The following ANXA6 variants were observed in gnomAD, a reference collection of about 807,000 sequenced individuals.
ANXA6 encodes annexin A6.
In ANXA6, 71 loss-of-function variants were observed where a neutral mutation model predicts 95.4. That is an observed-to-expected ratio of 0.74 (90% CI 0.61 to 0.91). The LOEUF is 0.91. Among genes scored for constraint, ANXA6 ranks in the 40% least tolerant of loss-of-function variants. The pLI, the probability that ANXA6 is intolerant of heterozygous loss-of-function variation, is 0.00. For synonymous variants in ANXA6, 289 were observed against 315.9 expected, an observed-to-expected ratio of 0.91 and a Z score of 0.90; for missense variants, 830 against 876.4, an observed-to-expected ratio of 0.95 and a Z score of 0.67.
In ANXA6 at chr5:151,147,876, C is replaced by T. The variant is rs970287754; in HGVS notation, c.18+8G>A. ...GAGTACCACCTTCAGGAAAGAGAGG[C>T]CCCTTACCTGTGCTGGTTTGGCCAT... On this transcript the variant is annotated splice_region_variant and intron_variant, in intron 2 of 25. Transcript: ENST00000354546. 7.5e-6 allele frequency: 12 copies of T among 1,599,666 alleles called. No individual in the cohort carries two copies. Among genetic ancestry groups the T allele is most frequent in the Middle Eastern group, 1.6e-4 (1 of 6,062 alleles).
intron 12 of ANXA6, 123 bp from the exon 13 acceptor site, chr5:151,128,362 C>G: frequency 2.5e-6 from 2 of 813,992 alleles, no homozygotes; most frequent in Admixed American, 4.2e-5. Context: ...CATAGCAGCC[C>G]TGGCCCTCCT....
rs1422240048 is a variant in ANXA6, at chr5:151,120,105, C to A, written c.1348-715G>T. On this transcript the variant is annotated intron_variant, in intron 17 of 25. Coordinates refer to ENST00000354546, the MANE Select transcript of ANXA6 (RefSeq NM_001155.5). ...ATATTGTCCAGGCTGGTCTGGAACT[C>A]CTGGACTCAAGCCCAAAGTTTTAGG... 5.3e-5 allele frequency among the ~76,000 whole-genome samples: 8 copies of A among 152,160 alleles called. No individual in the cohort carries two copies. In the East Asian group the frequency reaches 1.3e-3, roughly 26 times the overall value.
In ANXA6 at chr5:151,140,401, A is replaced by T. The variant is rs145365668; in HGVS notation, c.19-158T>A. The T allele has an allele frequency of 3.1e-4, 204 of 650,904 alleles. No homozygotes were observed. The African/African-American group carries it at 3.4e-3, about 11-fold the overall frequency. 40.3% of individuals were successfully genotyped at this position (650,904 alleles called of 1,614,324 possible). A position where few individuals can be genotyped will look rare whatever the true frequency, so the allele number is the denominator to read the frequency against. On this transcript the variant is annotated intron_variant, in intron 2 of 25. Transcript: ENST00000354546. Reference sequence around the variant, plus strand: ...TACACCCTGGGGAGCGGTGTGGATGACTTTCCCATACCACCTGCTGCAACC... The same window carrying T: ...TACACCCTGGGGAGCGGTGTGGATGTCTTTCCCATACCACCTGCTGCAACC...
chr5:151,131,029 G>A (rs1302188909), intron 11 of ANXA6, among the ~76,000 whole-genome samples: 6 of 152,198 alleles, frequency 3.9e-5, no homozygotes, highest in East Asian at 1.9e-4. Context: ...GACTCATGAC[G>A]TCAGGCAGGT....
At chr5:151,131,393 C>T (rs1024934986) in intron 10 of ANXA6, 104 bp from the exon 11 acceptor site, 1 of 1,203,008 alleles carries the variant, frequency 8.3e-7, no homozygotes, top group Non-Finnish European at 1.2e-6. Context: ...CCACCTAGCT[C>T]AATACAGGAA....
At chr5:151,113,428 A>C (rs113039670) in intron 20 of ANXA6, among the ~76,000 whole-genome samples, 2 of 152,306 alleles carry the variant, frequency 1.3e-5, no homozygotes, top group African/African-American at 4.8e-5. Context: ...TAAAATGATT[A>C]ATATGGTAAA....
At chr5:151,140,577 A>AATATATATATATATATATATATAT (rs61352316) in intron 2 of ANXA6, 6 of 143,842 alleles carry the variant, frequency 4.2e-5, no homozygotes, top group Non-Finnish European at 7.3e-5. Context: ...GCAAGAGTCA[A>AATATATATATATATATATATATAT]ATATATATAT....
At chr5:151,141,831 C>CGCCTT in intron 2 of ANXA6, 1 of 602,612 alleles carries the variant, frequency 1.7e-6, no homozygotes. Flanking sequence ...CAGAGCAGGG[C>CGCCTT]GCCTTGCAAG....
rs914521755 is a variant in ANXA6 at position 151,151,915 on chromosome 5, G to A, written c.-25-3989C>T. Among the ~76,000 whole-genome samples, 5 of 152,178 alleles carry A rather than the reference G, an allele frequency of 3.3e-5. No homozygotes were observed. In the East Asian group the frequency reaches 5.8e-4, roughly 18 times the overall value. On this transcript the variant is annotated intron_variant, in intron 1 of 25. Transcript: ENST00000354546. ...GACGACTTATCATGACTGATCATTC[G>A]TGAAACCCACACAGGAGCAGAATGA...
In ANXA6 at chr5:151,122,183, G is replaced by A. The variant is rs1278995221; in HGVS notation, c.1311C>T (p.Ala437=). The A allele has an allele frequency of 6.2e-7, 1 of 1,602,280 alleles. No individual in the cohort carries two copies. The highest frequency in any genetic ancestry group is 8.5e-7 in the Non-Finnish European group (1 of 1,175,840). Residue 437 remains alanine, a synonymous_variant, in exon 17 of 26, where the codon GCC becomes GCT. Coordinates refer to ENST00000354546, the MANE Select transcript of ANXA6 (RefSeq NM_001155.5). Reference sequence around the variant, plus strand: ...TCTTCAACTGCTTGGCATCGTAATGGGCCGGTGGCATCATGAGCCCCAGAA... The same window carrying A: ...TCTTCAACTGCTTGGCATCGTAATGAGCCGGTGGCATCATGAGCCCCAGAA... ...RLILGLMMPP[A]HYDAKQLKKA...
intron 12 of ANXA6, 126 bp downstream of exon 12, chr5:151,129,281 G>T: frequency 8.3e-7 from 1 of 1,202,534 alleles, no homozygotes; most frequent in Non-Finnish European, 1.2e-6. Context: ...CAAGGCAGGA[G>T]CTCCTGGAAT....
At chr5:151,103,868 G>A (rs1212466158) in intron 24 of ANXA6, among the ~76,000 whole-genome samples, 176 bp from the exon 25 acceptor site, 1 of 152,202 alleles carries the variant, frequency 6.6e-6, no homozygotes, top group Non-Finnish European at 1.5e-5. Flanking sequence ...GCCCAGGACT[G>A]GCCAGACTGA....
At chr5:151,113,576 C>T (rs927233430) in intron 20 of ANXA6, among the ~76,000 whole-genome samples, 4 of 152,034 alleles carry the variant, frequency 2.6e-5, no homozygotes, top group African/African-American at 9.7e-5. Flanking sequence ...CTCACTTACG[C>T]GGGTCAGAGT....
At chr5:151,127,857 C>T (rs1238807731) in intron 13 of ANXA6, among the ~76,000 whole-genome samples, 2 of 152,154 alleles carry the variant, frequency 1.3e-5, no homozygotes, top group African/African-American at 2.4e-5. Flanking sequence ...GGTGATGAAA[C>T]CGAGAAATGG....
At chr5:151,103,409 C>T (rs566149253) in intron 25 of ANXA6, among the ~76,000 whole-genome samples, 161 bp downstream of exon 25, 6 of 152,234 alleles carry the variant, frequency 3.9e-5, no homozygotes, top group South Asian at 2.1e-4. Context: ...GAATTGATTT[C>T]GGTATAAACA....
At chr5:151,124,688 T>C (rs1448767194) in intron 14 of ANXA6, among the ~76,000 whole-genome samples, 1 of 152,230 alleles carries the variant, frequency 6.6e-6, no homozygotes, top group Non-Finnish European at 1.5e-5. Context: ...TAGTGCCCCT[T>C]GGCTGCTTAT....
At chr5:151,117,473 A>C (rs1016998009) in intron 19 of ANXA6, among the ~76,000 whole-genome samples, 2 of 152,194 alleles carry the variant, frequency 1.3e-5, no homozygotes, top group African/African-American at 4.8e-5. Context: ...CCAGGTAACA[A>C]CACAGGAGAG....
rs1279447207 is a variant in ANXA6 at position 151,152,170 on chromosome 5, GT to G, written c.-25-4245del. Among the ~76,000 whole-genome samples the G allele has an allele frequency of 1.5e-4, 23 of 152,338 alleles. 1 individual carries two copies. The highest frequency in any genetic ancestry group is 5.3e-4 in the African/African-American group (22 of 41,572). ...GCCCAGCAGTTTGTGATGTAAGTAA[GT>G]TACTTAAACTGAATCTCAATTTCCA... On this transcript the variant is annotated intron_variant, in intron 1 of 25. Coordinates refer to ENST00000354546, the MANE Select transcript of ANXA6 (RefSeq NM_001155.5).
chr5:151,135,666 A>G lies in ANXA6; in HGVS notation c.489+590T>C, dbSNP rs79295233. On this transcript the variant is annotated intron_variant, in intron 7 of 25. Transcript: ENST00000354546. ...ACGCATATGCTCTCCAGCCCACTGC[A>G]GTCGTGCAGAATGCAGGTCTGCTGC... 0.015 allele frequency among the ~76,000 whole-genome samples: 2,345 copies of G among 152,362 alleles called. 99 individuals carry two copies. In the East Asian group the frequency reaches 0.18, roughly 12 times the overall value.
Sources: gnomAD v4.1 joint callset for allele counts (sites outside exome capture counted in the v4.1 genomes callset) on GRCh38, gnomAD v4.1.1 for gene constraint, MANE v1.5 for transcripts, NCBI Gene and HGNC (gene_info 2026-07-23, HGNC 2026-07-21) for gene names.